Variants in CYP2B6 observed in about 807,000 individuals in gnomAD.
CYP2B6 encodes the protein cytochrome P450 2B6.
A neutral mutation model predicts 43.4 loss-of-function variants in CYP2B6; 35 were observed. The ratio of observed to expected loss-of-function variants is 0.81; its 90% confidence interval spans 0.62 to 1.07. CYP2B6 has a LOEUF of 1.07. Among genes scored for constraint, CYP2B6 ranks in the 50% least tolerant of loss-of-function variants. The probability of loss-of-function intolerance (pLI) is 0.00; values close to 1 mark genes in which losing one functional copy is unlikely to be tolerated. For missense variants in CYP2B6, 624 were observed against 632.8 expected, an observed-to-expected ratio of 0.99 and a Z score of 0.15; for synonymous variants, 239 against 239.2, an observed-to-expected ratio of 1.00 and a Z score of 0.01.
chr19:41,011,543 T>TA (rs1568562745), intron 6 of CYP2B6, among the ~76,000 whole-genome samples: 202 of 152,334 alleles, frequency 1.3e-3, no homozygotes, highest in African/African-American at 4.7e-3. Flanking sequence ...TTGATTGATG[T>TA]TTTTATCCAG....
At chr19:41,001,103 G>T (rs138018017) in intron 1 of CYP2B6, among the ~76,000 whole-genome samples, 1,859 of 152,146 alleles carry the variant, frequency 0.012, 160 homozygotes, top group Admixed American at 0.12. Context: ...TCAGCCTGGG[G>T]AAAGCATTTG....
At chr19:41,003,783 C>G (rs1050456578) in intron 1 of CYP2B6, among the ~76,000 whole-genome samples, 6 of 152,172 alleles carry the variant, frequency 3.9e-5, no homozygotes, top group African/African-American at 1.4e-4. Context: ...CTGGCCCAAC[C>G]AGAAACGGAA....
At chr19:41,002,737 T>C (rs1969115013) in intron 1 of CYP2B6, among the ~76,000 whole-genome samples, 1 of 151,968 alleles carries the variant, frequency 6.6e-6, no homozygotes, top group Non-Finnish European at 1.5e-5. Flanking sequence ...TTAGTAGAGA[T>C]GGGTTTTCAC....
At chr19:41,004,232 A>C in intron 2 of CYP2B6, 65 bp from the exon 3 acceptor site, 4 of 1,613,098 alleles carry the variant, frequency 2.5e-6, no homozygotes, top group Non-Finnish European at 3.4e-6. Flanking sequence ...ATATGGGAGG[A>C]AGAAGGACTC....
Position 41,015,542 on chromosome 19 carries a change from G to C in CYP2B6, c.1295-1104G>C, listed in dbSNP as rs143466902. Among the ~76,000 whole-genome samples, 345 of 152,068 alleles carry C rather than the reference G, an allele frequency of 2.3e-3. 4 individuals carry two copies. The highest frequency in any genetic ancestry group is 6.8e-3 in the African/African-American group (282 of 41,364). ...GGAAAGGCTCCCTTTGTCTCTGCCT[G>C]AGCTTTTTCCAGCACCCTTTGTTCT... On this transcript the variant is annotated intron_variant, in intron 8 of 8. Transcript: ENST00000324071.
intron 4 of CYP2B6, chr19:41,007,748 C>T (rs1969215073): frequency 6.6e-6 from 1 of 152,348 alleles, no homozygotes; most frequent in African/African-American, 2.4e-5. Context: ...GCCTCAGCCT[C>T]CTGTAGCTGG....
intron 1 of CYP2B6, among the ~76,000 whole-genome samples, chr19:40,998,826 G>T (rs1199066488): frequency 1.1e-5 from 1 of 88,650 alleles, no homozygotes; most frequent in Non-Finnish European, 2.2e-5. Flanking sequence ...GTCTATCATT[G>T]TTGGACATTT....
chr19:41,010,578 T>A (rs1363410662), intron 6 of CYP2B6, among the ~76,000 whole-genome samples: 2 of 151,998 alleles, frequency 1.3e-5, no homozygotes, highest in Admixed American at 1.3e-4. Context: ...CACACCCGGC[T>A]AATTTTTTGT....
At position 41,012,327 on chromosome 19, in the gene CYP2B6, A is replaced by G. The variant is rs753259600; in HGVS notation, c.994A>G (p.Ile332Val). Reference protein sequence around the residue: ...ERVYREIEQVIGPHRPPELHD... With the variant: ...ERVYREIEQVVGPHRPPELHD... ...AGTCTACAGGGAGATTGAACAGGTG[A>G]TTGGCCCACATCGCCCTCCAGAGCT... The change falls in exon 7 of 9, where the codon ATT becomes GTT. Residue 332 changes from isoleucine (I) to valine (V), a missense_variant. Ile to Val is a conservative substitution (Grantham distance 29, BLOSUM62 3). Transcript: ENST00000324071. 6.8e-6 allele frequency: 11 copies of G among 1,614,110 alleles called. No individual in the cohort carries two copies. The Middle Eastern group carries it at 4.9e-4, about 73-fold the overall frequency.
Position 41,012,789 on chromosome 19 carries a change from C to A in CYP2B6, c.1268C>A (p.Thr423Asn), listed in dbSNP as rs17411404. ...GATGCCAATGGGGCACTGAAAAAGA[C>A]TGAAGCTTTTATCCCCTTCTCCTTA... ...FLDANGALKK[T>N]EAFIPFSLGK... is the part of the protein sequence containing the mutation. Residue 423 changes from threonine (T) to asparagine (N), a missense_variant, in exon 8 of 9, where the codon ACT (threonine) becomes AAT (asparagine). By Grantham distance (65) the Thr-to-Asn change is moderately conservative. Coordinates refer to ENST00000324071, the MANE Select transcript of CYP2B6 (RefSeq NM_000767.5). The A allele has an allele frequency of 1.4e-4, 230 of 1,613,650 alleles. No homozygotes were observed. Among genetic ancestry groups the A allele is most frequent in the African/African-American group, 9.8e-4 (73 of 74,626 alleles).
At position 41,007,026 on chromosome 19, in the gene CYP2B6, C is replaced by T. The variant is rs1207190440; in HGVS notation, c.606C>T (p.Phe202=). 3 of 1,614,108 alleles carry T rather than the reference C, an allele frequency of 1.9e-6. No individual in the cohort carries two copies. Among genetic ancestry groups the T allele is most frequent in the Admixed American group, 3.3e-5 (2 of 60,012 alleles). The change falls in exon 4 of 9, where the codon TTC becomes TTT. Residue 202 remains phenylalanine (F), a synonymous_variant. Transcript: ENST00000324071. ...DQEFLKMLNL[F]YQTFSLISSV... The stretch of plus-strand genomic sequence containing the variant: ...AGTTCCTGAAGATGCTGAACTTGTT[C>T]TACCAGACTTTTTCACTCATCAGCT...
At chr19:41,012,124 A>G (rs1363214020) in intron 6 of CYP2B6, among the ~76,000 whole-genome samples, 174 bp from the exon 7 acceptor site, 1 of 151,928 alleles carries the variant, frequency 6.6e-6, no homozygotes, top group Non-Finnish European at 1.5e-5. Context: ...AATTTTTTGT[A>G]TTTTTAGGAG....
At chr19:41,010,222 A>T (rs1969259661) in intron 6 of CYP2B6, 87 bp downstream of exon 6, 1 of 1,528,326 alleles carries the variant, frequency 6.5e-7, no homozygotes, top group South Asian at 1.1e-5. Flanking sequence ...TGGATGAGAG[A>T]GGGGATGCTG....
intron 1 of CYP2B6, among the ~76,000 whole-genome samples, chr19:40,992,815 C>A (rs775803207): frequency 6.6e-6 from 1 of 151,974 alleles, no homozygotes; most frequent in South Asian, 2.1e-4. Flanking sequence ...CCACCGCACC[C>A]GGCCAAGACT....
intron 8 of CYP2B6, 161 bp downstream of exon 8, chr19:41,012,976 G>T (rs1969308923): frequency 1.2e-6 from 1 of 858,362 alleles, no homozygotes; most frequent in Non-Finnish European, 1.9e-6. Flanking sequence ...CTATAAGGAG[G>T]CTTGAGAAAG....
chr19:41,008,788 C>G (rs529762801), intron 4 of CYP2B6, among the ~76,000 whole-genome samples: 1 of 152,164 alleles, frequency 6.6e-6, no homozygotes. Flanking sequence ...CTCCAAAATA[C>G]GTAGTCCTAA....
At chr19:41,002,658 C>G (rs1417340340) in intron 1 of CYP2B6, among the ~76,000 whole-genome samples, 199 of 152,234 alleles carry the variant, frequency 1.3e-3, no homozygotes, top group African/African-American at 4.6e-3. Context: ...AAGCAATTCT[C>G]TCGTCTCAGC....
rs139845985 is a variant in CYP2B6, at chr19:41,001,178, C to G, written c.172-2823C>G. On this transcript the variant is annotated intron_variant, in intron 1 of 8. Coordinates refer to ENST00000324071, the MANE Select transcript of CYP2B6 (RefSeq NM_000767.5). Reference sequence around the variant, plus strand: ...CAGCAGGAGGTCTGTCTCCAAAGCCCTCCTAGACTAAAGCTGCTTAACAAT... The same window carrying G: ...CAGCAGGAGGTCTGTCTCCAAAGCCGTCCTAGACTAAAGCTGCTTAACAAT... Among the ~76,000 whole-genome samples the G allele has an allele frequency of 5.9e-5, 9 of 152,234 alleles. No individual in the cohort carries two copies. The East Asian group carries it at 9.6e-4, about 16-fold the overall frequency.
intron 4 of CYP2B6, among the ~76,000 whole-genome samples, chr19:41,008,702 C>T (rs1178505309): frequency 3.3e-5 from 5 of 151,916 alleles, no homozygotes; most frequent in Admixed American, 2.0e-4. Context: ...TTACATCTGA[C>T]TATATATGTT....
Sources: allele counts gnomAD v4.1 joint callset (sites outside exome capture counted in the v4.1 genomes callset), GRCh38; gene constraint gnomAD v4.1.1; transcripts MANE v1.5; gene names NCBI Gene and HGNC (gene_info 2026-07-23, HGNC 2026-07-21).